The following PLCE1 variants were observed in gnomAD, a reference collection of about 807,000 sequenced individuals.
PLCE1 encodes the protein phospholipase C epsilon 1, also known as 1-phosphatidylinositol 4,5-bisphosphate phosphodiesterase epsilon-1.
A neutral mutation model predicts 242.8 loss-of-function variants in PLCE1; 119 were observed. The observed-to-expected ratio is 0.49, with a 90% CI of 0.42 to 0.57. The LOEUF is 0.57. PLCE1 is among the 20% of genes least tolerant of loss of function. The probability of loss-of-function intolerance (pLI) is 0.00; values close to 1 mark genes in which losing one functional copy is unlikely to be tolerated. For missense variants in PLCE1, 2,441 were observed against 2,788.8 expected, an observed-to-expected ratio of 0.88 and a Z score of 2.81; for synonymous variants, 945 against 1,017.4, an observed-to-expected ratio of 0.93 and a Z score of 1.35.
chr10:94,304,408 T>C (rs1485606315), intron 24 of PLCE1, 74 bp from the exon 25 acceptor site: 2 of 1,369,966 alleles, frequency 1.5e-6, no homozygotes, highest in South Asian at 1.2e-5. Context: ...TCTTTTGAAC[T>C]TTCAATTTAT....
chr10:94,259,099 T>C lies in PLCE1; in HGVS notation c.3763T>C (p.Tyr1255His). The C allele has an allele frequency of 6.2e-7, 1 of 1,614,064 alleles. No homozygotes were observed. The highest frequency in any genetic ancestry group is 1.6e-4 in the Middle Eastern group (1 of 6,062). Residue 1255 changes from tyrosine (Y) to histidine (H), a missense_variant, in exon 13 of 33, where the codon TAC (tyrosine) becomes CAC (histidine). By Grantham distance (83) the Tyr-to-His change is moderately conservative. Coordinates refer to ENST00000371380, the MANE Select transcript of PLCE1 (RefSeq NM_016341.4). ...NRSGSESAPLYTNLTIDENTS... is the reference protein window; with the variant it reads ...NRSGSESAPLHTNLTIDENTS... ...ATCTGGCTCCGAGTCAGCCCCACTC[T>C]ACACCAACCTGACAATTGATGAAAA...
At chr10:94,273,529 C>T in intron 18 of PLCE1, 33 bp from the exon 19 acceptor site, 2 of 1,576,490 alleles carry the variant, frequency 1.3e-6, no homozygotes, top group Non-Finnish European at 1.7e-6. Context: ...AGATAAAAGG[C>T]ATTGATTGTA....
intron 1 of PLCE1, among the ~76,000 whole-genome samples, chr10:94,026,782 C>T (rs182718026): frequency 3.7e-4 from 56 of 152,226 alleles, no homozygotes; most frequent in African/African-American, 1.3e-3. Context: ...AGATATAGAA[C>T]TGAAATTAAA....
intron 4 of PLCE1, among the ~76,000 whole-genome samples, chr10:94,191,388 TC>T (rs1339668031): frequency 6.6e-6 from 1 of 152,074 alleles, no homozygotes; most frequent in Non-Finnish European, 1.5e-5. Context: ...ATGTCTGTGA[TC>T]CCAGCACTTT....
chr10:94,299,188 A>G lies in PLCE1; in HGVS notation c.5458+519A>G, dbSNP rs541488350. Reference sequence around the variant, plus strand: ...ACTATGTGAAGTACATGAACAGAGTAAGTAGTGATCATGTTTCTCCAATGT... The same window carrying G: ...ACTATGTGAAGTACATGAACAGAGTGAGTAGTGATCATGTTTCTCCAATGT... On this transcript the variant is annotated intron_variant, in intron 24 of 32. Transcript: ENST00000371380. 7.2e-5 allele frequency among the ~76,000 whole-genome samples: 11 copies of G among 152,354 alleles called. No individual in the cohort carries two copies. The East Asian group carries it at 2.1e-3, about 29-fold the overall frequency.
intron 24 of PLCE1, among the ~76,000 whole-genome samples, chr10:94,303,316 C>T (rs2053099594): frequency 6.6e-6 from 1 of 152,140 alleles, no homozygotes. Context: ...ACTTTTTGCT[C>T]ATTTGGGTAA....
chr10:94,316,780 A>C (rs1460629069), intron 29 of PLCE1, 24 bp downstream of exon 29: 2 of 1,538,700 alleles, frequency 1.3e-6, no homozygotes, highest in Admixed American at 1.7e-5. Context: ...GGTGCAGCCT[A>C]CACAGTAACG....
chr10:94,122,237 C>T (rs2046320929), intron 2 of PLCE1, among the ~76,000 whole-genome samples: 1 of 152,170 alleles, frequency 6.6e-6, no homozygotes, highest in Admixed American at 6.5e-5. Flanking sequence ...CCATGTAATT[C>T]ATTAATTGAC....
intron 1 of PLCE1, among the ~76,000 whole-genome samples, chr10:94,022,649 G>T (rs1389420949): frequency 6.6e-6 from 1 of 151,790 alleles, no homozygotes; most frequent in African/African-American, 2.4e-5. Flanking sequence ...CTTTTTTTAA[G>T]AAATTGATTT....
chr10:94,274,174 T>C (rs1162274729), intron 19 of PLCE1, among the ~76,000 whole-genome samples: 3 of 151,330 alleles, frequency 2.0e-5, no homozygotes, highest in Non-Finnish European at 4.4e-5. Context: ...ACAACAGAGA[T>C]CTGGGCCCAA....
chr10:94,179,530 T>TTTTCTTTTTGA (rs10636243), intron 4 of PLCE1, among the ~76,000 whole-genome samples: 1 of 118,826 alleles, frequency 8.4e-6, no homozygotes, highest in Non-Finnish European at 1.7e-5. Flanking sequence ...TTTTTTTTTT[T>TTTTCTTTTTGA]GACAGGGTCT....
chr10:94,228,349 C>T (rs1277368658), intron 5 of PLCE1, among the ~76,000 whole-genome samples: 2 of 152,138 alleles, frequency 1.3e-5, no homozygotes, highest in African/African-American at 2.4e-5. Context: ...ATCCTGATTC[C>T]CCCAAGGAAT....
chr10:94,192,700 A>ATCTCATTT (rs2048706248), intron 4 of PLCE1, among the ~76,000 whole-genome samples: 1 of 152,184 alleles, frequency 6.6e-6, no homozygotes, highest in Non-Finnish European at 1.5e-5. Context: ...ATACCCAGCA[A>ATCTCATTT]TGAGATTGCT....
intron 13 of PLCE1, among the ~76,000 whole-genome samples, chr10:94,259,558 C>T (rs1475314537): frequency 6.6e-6 from 1 of 152,192 alleles, no homozygotes; most frequent in Non-Finnish European, 1.5e-5. Context: ...GCTGAGTTTA[C>T]AGGCATGAGC....
intron 4 of PLCE1, among the ~76,000 whole-genome samples, chr10:94,203,326 C>G (rs184186471): frequency 4.2e-4 from 64 of 152,300 alleles, no homozygotes; most frequent in African/African-American, 1.5e-3. Context: ...TCCAAGTTAG[C>G]ATTCCTGGAC....
intron 22 of PLCE1, among the ~76,000 whole-genome samples, chr10:94,288,867 C>G (rs1204892364): frequency 1.3e-5 from 2 of 152,200 alleles, no homozygotes; most frequent in Non-Finnish European, 2.9e-5. Context: ...GTTCATCAAA[C>G]AGTGGTTTGC....
At chr10:94,068,001 T>G (rs2044244839) in intron 2 of PLCE1, among the ~76,000 whole-genome samples, 1 of 152,154 alleles carries the variant, frequency 6.6e-6, no homozygotes, top group Non-Finnish European at 1.5e-5. Flanking sequence ...TGGTGGCACA[T>G]AATGTCCTCT....
chr10:94,092,188 A>T (rs544419097), intron 2 of PLCE1, among the ~76,000 whole-genome samples: 4 of 152,176 alleles, frequency 2.6e-5, no homozygotes, highest in East Asian at 1.9e-4. Context: ...AATTTTTTTT[A>T]AAAAAGGTTA....
chr10:94,012,096 G>A (rs7090134), intron 1 of PLCE1, among the ~76,000 whole-genome samples: 2,023 of 152,240 alleles, frequency 0.013, 123 homozygotes, highest in Admixed American at 0.1. Context: ...GTCCCAGGGT[G>A]AGACTGCCTG....
Sources: gnomAD v4.1 joint callset for allele counts (sites outside exome capture counted in the v4.1 genomes callset) on GRCh38, gnomAD v4.1.1 for gene constraint, MANE v1.5 for transcripts, NCBI Gene and HGNC (gene_info 2026-07-23, HGNC 2026-07-21) for gene names.